Variants in ROBO2 observed in about 807,000 individuals in gnomAD.
ROBO2 encodes roundabout homolog 2.
Under a neutral mutation model 160.8 loss-of-function variants are expected in ROBO2, and 53 were observed. The ratio of observed to expected loss-of-function variants is 0.33; its 90% CI spans 0.26 to 0.41. The LOEUF (loss-of-function observed/expected upper bound fraction) is 0.41. Among genes scored for constraint, ROBO2 ranks in the 10% least tolerant of loss-of-function variants. The pLI is 1.00. For synonymous variants in ROBO2, 664 were observed against 611.7 expected, an observed-to-expected ratio of 1.09 and a Z score of -1.26; for missense variants, 1,577 against 1,722.4, an observed-to-expected ratio of 0.92 and a Z score of 1.49.
At chr3:76,918,126 T>G (rs2076436293) in intron 2 of ROBO2, among the ~76,000 whole-genome samples, 1 of 152,218 alleles carries the variant, frequency 6.6e-6, no homozygotes, top group Non-Finnish European at 1.5e-5. Flanking sequence ...TTAAGATATT[T>G]GATAGGGCTT....
At chr3:77,417,517 A>C (rs899307704) in intron 2 of ROBO2, among the ~76,000 whole-genome samples, 2 of 152,246 alleles carry the variant, frequency 1.3e-5, no homozygotes, top group Admixed American at 1.3e-4. Context: ...TAAATGCATC[A>C]AGCTTCTTAT....
chr3:77,066,432 T>G (rs1318436672), intron 1 of ROBO2, among the ~76,000 whole-genome samples: 1 of 152,180 alleles, frequency 6.6e-6, no homozygotes, highest in Non-Finnish European at 1.5e-5. Context: ...GTCAACTCTT[T>G]GTTCTATAGT....
intron 2 of ROBO2, among the ~76,000 whole-genome samples, chr3:76,732,605 C>T (rs1478311712): frequency 1.3e-5 from 2 of 151,834 alleles, no homozygotes; most frequent in Admixed American, 1.3e-4. Flanking sequence ...TTTTTTGGCC[C>T]CTAAATAATG....
intron 2 of ROBO2, among the ~76,000 whole-genome samples, chr3:76,729,716 C>A (rs1239219910): frequency 2.6e-5 from 4 of 151,416 alleles, no homozygotes; most frequent in Non-Finnish European, 5.9e-5. Context: ...CAGCTCCCTG[C>A]AGCCTCTGCC....
chr3:77,328,076 A>AAAG (rs1302415647), intron 2 of ROBO2, among the ~76,000 whole-genome samples: 4 of 149,014 alleles, frequency 2.7e-5, no homozygotes, highest in Admixed American at 2.0e-4. Flanking sequence ...AAAAAAAAAA[A>AAAG]AAAAGAAAAG....
chr3:76,345,502 G>T (rs2074479487), intron 2 of ROBO2, among the ~76,000 whole-genome samples: 1 of 147,942 alleles, frequency 6.8e-6, no homozygotes, highest in Admixed American at 6.8e-5. Flanking sequence ...TATTATTCCT[G>T]GTTGAATTAT....
intron 2 of ROBO2, among the ~76,000 whole-genome samples, chr3:76,930,521 T>C (rs915270571): frequency 1.3e-5 from 2 of 152,224 alleles, no homozygotes; most frequent in African/African-American, 4.8e-5. Flanking sequence ...AAGCTTACAG[T>C]CTGCATTAGG....
intron 2 of ROBO2, among the ~76,000 whole-genome samples, chr3:75,950,398 TTAA>T (rs2107180120): frequency 6.6e-6 from 1 of 152,200 alleles, no homozygotes; most frequent in African/African-American, 2.4e-5. Context: ...AGATTATAGC[TTAA>T]TAAGTAGAGG....
At chr3:77,010,051 A>G (rs1325162543) in intron 2 of ROBO2, among the ~76,000 whole-genome samples, 2 of 152,150 alleles carry the variant, frequency 1.3e-5, no homozygotes, top group East Asian at 3.9e-4. Context: ...GAATTCCATT[A>G]ACTTAATTGC....
rs532276328 is a variant in ROBO2 at position 77,611,980 on chromosome 3, A to C, written c.3293+4026A>C. ...AGTTAGAGATTGGCAAGCTTCTGCCAGTGTTGAACTTTATTGTATTTTTAT... is the reference window on the plus strand; with the variant it reads ...AGTTAGAGATTGGCAAGCTTCTGCCCGTGTTGAACTTTATTGTATTTTTAT... On this transcript the variant is annotated intron_variant, in intron 21 of 25. Coordinates refer to ENST00000461745, the Ensembl canonical transcript of ROBO2. Among the ~76,000 whole-genome samples the C allele has an allele frequency of 2.0e-5, 3 of 152,322 alleles. No homozygotes were observed. The South Asian group carries it at 6.2e-4, about 32-fold the overall frequency.
At chr3:76,598,100 G>T (rs1031499885) in intron 2 of ROBO2, among the ~76,000 whole-genome samples, 10 of 151,458 alleles carry the variant, frequency 6.6e-5, no homozygotes, top group South Asian at 2.1e-4. Context: ...AAAAGGAACA[G>T]ATTATTGATA....
chr3:76,359,083 C>T (rs1179937118), intron 2 of ROBO2, among the ~76,000 whole-genome samples: 1 of 151,838 alleles, frequency 6.6e-6, no homozygotes, highest in Admixed American at 6.6e-5. Context: ...TCATCCATGT[C>T]CCTACAAAGG....
At chr3:76,103,024 C>G (rs28621010) in intron 2 of ROBO2, among the ~76,000 whole-genome samples, 19,949 of 151,958 alleles carry the variant, frequency 0.13, 1,388 homozygotes, top group African/African-American at 0.14. Flanking sequence ...GGGGTTTCAC[C>G]ATGTTAGCCA....
At chr3:77,035,143 T>A (rs916806764), upstream of ROBO2, among the ~76,000 whole-genome samples, 2 of 151,830 alleles carry the variant, frequency 1.3e-5, no homozygotes, top group Admixed American at 1.3e-4. Context: ...AGATGAGAGG[T>A]TATCATCTTT....
At chr3:76,554,465 T>C (rs1348771995) in intron 2 of ROBO2, among the ~76,000 whole-genome samples, 1 of 152,210 alleles carries the variant, frequency 6.6e-6, no homozygotes, top group Non-Finnish European at 1.5e-5. Context: ...ACAAAAGATA[T>C]GTATTTCCTA....
intron 2 of ROBO2, among the ~76,000 whole-genome samples, chr3:76,677,698 C>T (rs2092445290): frequency 6.6e-6 from 1 of 151,774 alleles, no homozygotes; most frequent in Non-Finnish European, 1.5e-5. Flanking sequence ...CTATACAGTA[C>T]TTTTATACTA....
At chr3:76,723,578 A>G (rs938895243) in intron 2 of ROBO2, among the ~76,000 whole-genome samples, 2 of 152,080 alleles carry the variant, frequency 1.3e-5, no homozygotes, top group Admixed American at 6.6e-5. Context: ...CGCCCACTTC[A>G]TTCTCATACA....
In ROBO2 at chr3:76,953,916, T is replaced by C. The variant is rs146229967; in HGVS notation, c.110-144098T>C. On this transcript the variant is annotated intron_variant, in intron 2 of 26. Coordinates refer to the ROBO2 transcript ENST00000487694. Reference sequence around the variant, plus strand: ...CCTCTGTTCCACCAGAGTAAGTCTCTACTCAAAAGTACTTTGGCTAGAGGG... The same window carrying C: ...CCTCTGTTCCACCAGAGTAAGTCTCCACTCAAAAGTACTTTGGCTAGAGGG... Among the ~76,000 whole-genome samples the C allele has an allele frequency of 8.9e-4, 135 of 152,348 alleles. 2 individuals carry two copies. The highest frequency in any genetic ancestry group is 6.7e-3 in the Admixed American group (102 of 15,298).
intron 2 of ROBO2, among the ~76,000 whole-genome samples, chr3:76,076,283 A>G (rs2068643224): frequency 6.6e-6 from 1 of 152,194 alleles, no homozygotes; most frequent in South Asian, 2.1e-4. Flanking sequence ...GCTATCTCTA[A>G]ATAAGTAACC....
Sources: gnomAD v4.1 joint callset for allele counts (sites outside exome capture counted in the v4.1 genomes callset) on GRCh38, gnomAD v4.1.1 for gene constraint, MANE v1.5 for transcripts, NCBI Gene and HGNC (gene_info 2026-07-23, HGNC 2026-07-21) for gene names.